The following PRKCE variants were observed in gnomAD, a reference collection of about 807,000 sequenced individuals.
PRKCE encodes protein kinase C epsilon type.
Under a neutral mutation model 85.4 loss-of-function variants are expected in PRKCE, and 16 were observed. The ratio of observed to expected loss-of-function variants is 0.19; its 90% CI spans 0.13 to 0.28. The LOEUF (loss-of-function observed/expected upper bound fraction) is 0.28. Among genes scored for constraint, PRKCE ranks in the 10% least tolerant of loss-of-function variants. PRKCE has a pLI of 1.00. For synonymous variants in PRKCE, 388 were observed against 371.5 expected (o/e 1.04, Z -0.51); for missense variants, 573 against 975.2 (o/e 0.59, Z 5.49).
chr2:45,677,916 G>T (rs922228026), intron 1 of PRKCE: 1 of 984,692 alleles, frequency 1.0e-6, no homozygotes, highest in Admixed American at 6.1e-5. Context: ...AGTGGGAACC[G>T]GTAGGAGCAT....
At chr2:45,713,420 AT>A (rs2104389990) in intron 1 of PRKCE, among the ~76,000 whole-genome samples, 1 of 152,276 alleles carries the variant, frequency 6.6e-6, no homozygotes, top group East Asian at 1.9e-4. Flanking sequence ...CTGCAGGGGT[AT>A]GCATCTTCCT....
chr2:45,995,813 A>G (rs950334470), intron 6 of PRKCE, among the ~76,000 whole-genome samples: 7 of 152,088 alleles, frequency 4.6e-5, no homozygotes, highest in East Asian at 1.9e-4. Flanking sequence ...TTTTTCTTCA[A>G]TATTGTGTTA....
chr2:45,798,889 C>A lies in PRKCE; in HGVS notation c.349-44111C>A, dbSNP rs186167286. Among the ~76,000 whole-genome samples, 1,319 of 151,740 alleles carry A rather than the reference C, an allele frequency of 8.7e-3. 12 individuals are homozygous for A. The highest frequency in any genetic ancestry group is 0.03 in the African/African-American group (1,255 of 41,398). On this transcript the variant is annotated intron_variant, in intron 1 of 14. Transcript: ENST00000306156. ...TGTTTTTTAAAATGTGAGCATTGGC[C>A]GGGCACGGTGGCTCACGCCTATAAT...
chr2:46,082,916 G>A (rs1288035823), intron 10 of PRKCE, among the ~76,000 whole-genome samples: 2 of 152,148 alleles, frequency 1.3e-5, no homozygotes, highest in Non-Finnish European at 2.9e-5. Context: ...TAACCTTCAT[G>A]AGAATTCTGT....
At position 45,788,139 on chromosome 2, in the gene PRKCE, A is replaced by C. The variant is rs60769106; in HGVS notation, c.349-54861A>C. On this transcript the variant is annotated intron_variant, in intron 1 of 14. Transcript: ENST00000306156. ...TTCCTGCCAAAGTGTCTCCTACTGAAGTCTGTGGCTACTTGGGATTCTCAG... is the reference window on the plus strand; with the variant it reads ...TTCCTGCCAAAGTGTCTCCTACTGACGTCTGTGGCTACTTGGGATTCTCAG... 2.5e-3 allele frequency among the ~76,000 whole-genome samples: 384 copies of C among 152,246 alleles called. 1 individual carries two copies. The highest frequency in any genetic ancestry group is 8.8e-3 in the African/African-American group (364 of 41,520).
chr2:45,757,787 C>T (rs758226533), intron 1 of PRKCE, among the ~76,000 whole-genome samples: 10 of 152,296 alleles, frequency 6.6e-5, no homozygotes, highest in Middle Eastern at 3.4e-3. Flanking sequence ...TCATTCATTT[C>T]ATTGGAAATG....
intron 1 of PRKCE, among the ~76,000 whole-genome samples, chr2:45,726,173 T>C (rs1396116538): frequency 6.6e-6 from 1 of 152,168 alleles, no homozygotes; most frequent in Admixed American, 6.5e-5. Context: ...AACGTTGAAA[T>C]GACAACAAAG....
intron 10 of PRKCE, among the ~76,000 whole-genome samples, chr2:46,020,408 CT>C (rs1706550079): frequency 6.6e-6 from 1 of 151,948 alleles, no homozygotes; most frequent in African/African-American, 2.4e-5. Context: ...TGGAGTGAGT[CT>C]TGATTTTTTT....
intron 6 of PRKCE, among the ~76,000 whole-genome samples, chr2:45,995,325 A>G (rs1349680090): frequency 2.0e-5 from 3 of 152,072 alleles, no homozygotes; most frequent in Non-Finnish European, 4.4e-5. Flanking sequence ...GGTGGGGGAC[A>G]GAGCAAAAGT....
intron 1 of PRKCE, among the ~76,000 whole-genome samples, chr2:45,663,607 C>A (rs953042075): frequency 1.6e-4 from 25 of 152,238 alleles, no homozygotes; most frequent in African/African-American, 5.5e-4. Flanking sequence ...CACAGTGAAA[C>A]CCCATCTCTA....
intron 11 of PRKCE, among the ~76,000 whole-genome samples, chr2:46,126,433 C>A (rs1558482097): frequency 1.3e-5 from 2 of 151,950 alleles, no homozygotes; most frequent in African/African-American, 4.8e-5. Context: ...GGCACTGAAC[C>A]CCCACATGGA....
At chr2:45,731,107 C>A (rs954685779) in intron 1 of PRKCE, among the ~76,000 whole-genome samples, 1 of 152,122 alleles carries the variant, frequency 6.6e-6, no homozygotes, top group African/African-American at 2.4e-5. Context: ...CTACTGTGGA[C>A]AGTTTAGAGA....
chr2:46,142,343 A>G (rs922187816), intron 11 of PRKCE, among the ~76,000 whole-genome samples: 1 of 152,172 alleles, frequency 6.6e-6, no homozygotes, highest in African/African-American at 2.4e-5. Flanking sequence ...AGAGAAATAG[A>G]AAGTCCTAAC....
At chr2:46,133,761 G>A (rs72808768) in intron 11 of PRKCE, among the ~76,000 whole-genome samples, 1 of 152,146 alleles carries the variant, frequency 6.6e-6, no homozygotes, top group Non-Finnish European at 1.5e-5. Context: ...GAACACGAAG[G>A]CACCATGTCT....
chr2:46,117,024 T>G (rs978654206), intron 11 of PRKCE, among the ~76,000 whole-genome samples: 1 of 152,180 alleles, frequency 6.6e-6, no homozygotes, highest in African/African-American at 2.4e-5. Context: ...GATTTTAGTT[T>G]TAATAGCTCA....
intron 11 of PRKCE, among the ~76,000 whole-genome samples, chr2:46,109,593 A>G (rs1158960960): frequency 6.6e-6 from 1 of 152,062 alleles, no homozygotes. Flanking sequence ...TAATTACAGG[A>G]GTTTTTTGTC....
At chr2:46,021,299 T>A (rs1706639046) in intron 10 of PRKCE, among the ~76,000 whole-genome samples, 1 of 152,158 alleles carries the variant, frequency 6.6e-6, no homozygotes, top group Non-Finnish European at 1.5e-5. Flanking sequence ...ATTCTGGAAG[T>A]AAAGGGGGAT....
intron 2 of PRKCE, among the ~76,000 whole-genome samples, chr2:45,893,353 C>CTTTTTT (rs61708342): frequency 5.9e-5 from 8 of 136,426 alleles, no homozygotes; most frequent in East Asian, 2.2e-4. Context: ...CTTTTCTTTT[C>CTTTTTT]TTTTTTTTTT....
intron 1 of PRKCE, among the ~76,000 whole-genome samples, chr2:45,744,415 TTCTTTCTTTCTTTCTTTC>T (rs1682867072): frequency 9.8e-5 from 1 of 10,236 alleles, no homozygotes; most frequent in African/African-American, 1.9e-4. Context: ...TTCTTTTCTT[TTCTTTCTTTCTTTCTTTC>T]TTTCTTTCTT....
Sources: gnomAD v4.1 joint callset for allele counts (sites outside exome capture counted in the v4.1 genomes callset) on GRCh38, gnomAD v4.1.1 for gene constraint, MANE v1.5 for transcripts, NCBI Gene and HGNC (gene_info 2026-07-23, HGNC 2026-07-21) for gene names.